SHC3: variants seen among roughly 807,000 people sequenced by gnomAD.
SHC3 encodes the protein SHC adaptor protein 3, also known as SHC-transforming protein 3.
In SHC3, 15 loss-of-function variants were observed where a neutral mutation model predicts 60.4. The observed-to-expected ratio is 0.25, with a 90% confidence interval of 0.17 to 0.38. The LOEUF is 0.38. Among genes scored for constraint, SHC3 ranks in the 10% least tolerant of loss-of-function variants. The probability of loss-of-function intolerance (pLI) is 1.00; values close to 1 mark genes in which losing one functional copy is unlikely to be tolerated. For missense variants in SHC3, 677 were observed against 786.1 expected (o/e 0.86, Z 1.66); for synonymous variants, 294 against 325.9 (o/e 0.90, Z 1.05).
intron 1 of SHC3, among the ~76,000 whole-genome samples, chr9:89,157,917 T>C (rs1826649181): frequency 6.6e-6 from 1 of 152,164 alleles, no homozygotes; most frequent in Non-Finnish European, 1.5e-5. Flanking sequence ...TGAGCCACCA[T>C]GCCCAGGCTG....
intron 1 of SHC3, among the ~76,000 whole-genome samples, chr9:89,156,459 C>A (rs567950398): frequency 6.6e-6 from 1 of 152,144 alleles, no homozygotes; most frequent in Non-Finnish European, 1.5e-5. Context: ...CTCTTAGGAG[C>A]CTGTGGGCCC....
At chr9:89,144,819 T>C (rs780406046) in intron 1 of SHC3, among the ~76,000 whole-genome samples, 3 of 152,090 alleles carry the variant, frequency 2.0e-5, no homozygotes, top group African/African-American at 7.2e-5. Context: ...CAATGCAGTG[T>C]ATCCCCAAGA....
At chr9:89,076,323 G>C (rs754219463) in intron 3 of SHC3, among the ~76,000 whole-genome samples, 6 of 152,138 alleles carry the variant, frequency 3.9e-5, no homozygotes, top group Non-Finnish European at 8.8e-5. Context: ...CTGTGGGTGC[G>C]TGAAAGTCCC....
At chr9:89,104,807 T>C (rs938515374) in intron 2 of SHC3, among the ~76,000 whole-genome samples, 5 of 149,610 alleles carry the variant, frequency 3.3e-5, no homozygotes, top group African/African-American at 7.3e-5. Flanking sequence ...TCATTTGCTA[T>C]TTGAGGTAGT....
chr9:89,077,948 A>G, intron 2 of SHC3, 45 bp from the exon 3 acceptor site: 1 of 1,607,004 alleles, frequency 6.2e-7, no homozygotes. Flanking sequence ...GTCAGTCGGG[A>G]TTATGGAACC....
intron 2 of SHC3, among the ~76,000 whole-genome samples, chr9:89,081,849 T>G (rs955710861): frequency 2.2e-4 from 33 of 152,090 alleles, no homozygotes; most frequent in Non-Finnish European, 2.9e-5. Flanking sequence ...CTAGGGAACC[T>G]CCAGGTGGCC....
chr9:89,109,313 G>T, intron 2 of SHC3: 1 of 797,376 alleles, frequency 1.3e-6, no homozygotes, highest in Non-Finnish European at 1.5e-6. Context: ...CGGTCATGGT[G>T]CCCAGCATGC....
At chr9:89,132,313 T>G (rs927982106) in intron 1 of SHC3, among the ~76,000 whole-genome samples, 12 of 152,156 alleles carry the variant, frequency 7.9e-5, no homozygotes, top group African/African-American at 2.9e-4. Context: ...AGAATCAATA[T>G]TGTGAAAATG....
At chr9:89,037,886 C>T (rs1824608487) in intron 11 of SHC3, 107 bp downstream of exon 11, 2 of 1,410,622 alleles carry the variant, frequency 1.4e-6, no homozygotes, top group East Asian at 2.4e-5. Flanking sequence ...TCAGTAGGCA[C>T]TTGTGGATAG....
At position 89,009,481 on chromosome 9, in the gene SHC3, A is replaced by T. The variant is rs1413397788; in HGVS notation, c.*3966T>A. On this transcript the variant is annotated 3_prime_UTR_variant, in exon 12 of 12. Transcript: ENST00000375835. The stretch of plus-strand genomic sequence containing the variant: ...AAAGTTGGGCCAGCGAGAGAGAACC[A>T]ATGGGCACGCTGGGAATGCACAATT... 1 of 152,246 alleles carries T rather than the reference A, an allele frequency of 6.6e-6. No individual in the cohort carries two copies. The highest frequency in any genetic ancestry group is 1.5e-5 in the Non-Finnish European group (1 of 68,060). 9.4% of individuals were successfully genotyped at this position (152,246 alleles called of 1,614,324 possible).
intron 2 of SHC3, among the ~76,000 whole-genome samples, chr9:89,081,534 C>T (rs1028184237): frequency 9.2e-5 from 14 of 151,890 alleles, no homozygotes; most frequent in African/African-American, 3.1e-4. Flanking sequence ...TCTGAACCTC[C>T]CCCTGCTTAT....
intron 1 of SHC3, among the ~76,000 whole-genome samples, chr9:89,158,314 G>GC (rs1303461457): frequency 1.3e-5 from 2 of 151,742 alleles, no homozygotes; most frequent in African/African-American, 4.8e-5. Flanking sequence ...TTTTCTTATT[G>GC]TTTTTCTATT....
At chr9:89,061,589 T>C (rs577996000) in intron 6 of SHC3, among the ~76,000 whole-genome samples, 78 of 152,330 alleles carry the variant, frequency 5.1e-4, no homozygotes, top group African/African-American at 1.7e-3. Context: ...TTCTCTCCCA[T>C]TGGGTCAGCA....
intron 2 of SHC3, among the ~76,000 whole-genome samples, chr9:89,098,996 T>A (rs1308062183): frequency 6.6e-6 from 1 of 151,962 alleles, no homozygotes; most frequent in East Asian, 1.9e-4. Context: ...AATTAATTAA[T>A]TAATTAAAAA....
At position 89,075,024 on chromosome 9, in the gene SHC3, T is replaced by C. The variant is rs571059863; in HGVS notation, c.729+85A>G. On this transcript the variant is annotated intron_variant, in intron 4 of 11. Transcript: ENST00000375835. ...TTGACACAAAATATGCTATGTGAGC[T>C]CAGTAAAGCTGCAAGGAAGAAGCCT... 402 of 1,519,334 alleles carry C rather than the reference T, an allele frequency of 2.6e-4. 2 individuals carry two copies. In the South Asian group the frequency reaches 3.1e-3, roughly 12 times the overall value. The allele number at this position is 1,519,334 out of a possible 1,614,324, so 94.1% of individuals were successfully genotyped here.
At chr9:89,107,310 G>A (rs1825877528) in intron 2 of SHC3, among the ~76,000 whole-genome samples, 1 of 152,190 alleles carries the variant, frequency 6.6e-6, no homozygotes, top group South Asian at 2.1e-4. Flanking sequence ...GTGGCCCCTT[G>A]CCCTGTGACT....
intron 1 of SHC3, among the ~76,000 whole-genome samples, chr9:89,124,529 C>T (rs1421551133): frequency 6.6e-6 from 1 of 152,248 alleles, no homozygotes; most frequent in East Asian, 1.9e-4. Context: ...GAGTTTATGT[C>T]CTTTGCATGG....
intron 1 of SHC3, among the ~76,000 whole-genome samples, chr9:89,157,942 T>C (rs2118233728): frequency 6.6e-6 from 1 of 152,216 alleles, no homozygotes; most frequent in African/African-American, 2.4e-5. Context: ...ATCAATTTTA[T>C]CAATTTTTTT....
chr9:89,056,838 C>T (rs746435726), intron 6 of SHC3, among the ~76,000 whole-genome samples: 16 of 152,270 alleles, frequency 1.1e-4, no homozygotes, highest in African/African-American at 1.7e-4. Context: ...GCCATTGCCT[C>T]GGCAAGCTTT....
Sources: allele counts gnomAD v4.1 joint callset (sites outside exome capture counted in the v4.1 genomes callset), GRCh38; gene constraint gnomAD v4.1.1; transcripts MANE v1.5; gene names NCBI Gene and HGNC (gene_info 2026-07-23, HGNC 2026-07-21).